Variants in PLEKHA7 observed in about 807,000 individuals in gnomAD.
PLEKHA7 encodes pleckstrin homology domain containing A7, also known as pleckstrin homology domain-containing family A member 7.
A neutral mutation model predicts 170.0 loss-of-function variants in PLEKHA7; 104 were observed. The observed-to-expected ratio is 0.61, with a 90% confidence interval of 0.52 to 0.72. The LOEUF (loss-of-function observed/expected upper bound fraction) is 0.72, where lower values mean the gene tolerates loss of function less well. PLEKHA7 is among the 30% of genes least tolerant of loss of function. PLEKHA7 has a pLI of 0.00. For synonymous variants in PLEKHA7, 648 were observed against 660.8 expected (o/e 0.98, Z 0.30); for missense variants, 1,615 against 1,671.7 (o/e 0.97, Z 0.59).
rs562561195 is a variant in PLEKHA7 at position 16,786,852 on chromosome 11, T to C, written c.3358-465A>G. The stretch of plus-strand genomic sequence containing the variant: ...TAACCAAGGATCTTTCTATTGGGAA[T>C]TTTCAACAAGATAACATTCGTAGGT... On this transcript the variant is annotated intron_variant, in intron 23 of 26. Coordinates refer to ENST00000531066, the MANE Select transcript of PLEKHA7 (RefSeq NM_001329630.2). 2.3e-5 allele frequency: 23 copies of C among 985,364 alleles called. No individual in the cohort carries two copies. The Admixed American group carries it at 1.2e-3, about 50-fold the overall frequency. 61.0% of individuals were successfully genotyped at this position (985,364 alleles called of 1,614,324 possible).
chr11:16,847,472 A>C (rs1852535134), intron 8 of PLEKHA7, among the ~76,000 whole-genome samples: 1 of 152,192 alleles, frequency 6.6e-6, no homozygotes, highest in Non-Finnish European at 1.5e-5. Context: ...ACTAGAGGAA[A>C]GACAGAAGAC....
At chr11:16,926,270 C>A (rs6486324) in intron 3 of PLEKHA7, among the ~76,000 whole-genome samples, 7 of 152,258 alleles carry the variant, frequency 4.6e-5, no homozygotes, top group Admixed American at 2.6e-4. Flanking sequence ...TCTCTGCCCT[C>A]GCAACCTCAA....
At chr11:16,948,077 A>G (rs1861161048) in intron 3 of PLEKHA7, among the ~76,000 whole-genome samples, 1 of 152,222 alleles carries the variant, frequency 6.6e-6, no homozygotes, top group Non-Finnish European at 1.5e-5. Context: ...GCAAAGCACA[A>G]AAAGACAAAT....
chr11:16,821,673 C>T (rs928985296), intron 10 of PLEKHA7, among the ~76,000 whole-genome samples: 10 of 152,052 alleles, frequency 6.6e-5, no homozygotes, highest in African/African-American at 2.4e-4. Context: ...TATTCAGCAC[C>T]TAGATCTATT....
chr11:16,952,377 G>T (rs1272096425), intron 3 of PLEKHA7, among the ~76,000 whole-genome samples: 2 of 152,152 alleles, frequency 1.3e-5, no homozygotes, highest in Non-Finnish European at 2.9e-5. Flanking sequence ...TTCTGCTAAG[G>T]AGGGCAGAAA....
chr11:16,947,910 C>T (rs574379204), intron 3 of PLEKHA7, among the ~76,000 whole-genome samples: 2 of 132,872 alleles, frequency 1.5e-5, no homozygotes, highest in Non-Finnish European at 3.1e-5. Context: ...AGTAAGACTC[C>T]GTCTCAAAAA....
chr11:16,916,940 C>G (rs968949304), intron 3 of PLEKHA7, among the ~76,000 whole-genome samples: 1 of 152,094 alleles, frequency 6.6e-6, no homozygotes, highest in Non-Finnish European at 1.5e-5. Context: ...CTTTTGAGGC[C>G]GGGCACGGTG....
At chr11:16,988,439 TCTTTCTTC>T (rs1014398546) in intron 3 of PLEKHA7, among the ~76,000 whole-genome samples, 9 of 152,304 alleles carry the variant, frequency 5.9e-5, no homozygotes, top group African/African-American at 1.9e-4. Context: ...TTTCCTTCCT[TCTTTCTTC>T]CTTTCTTCCT....
intron 4 of PLEKHA7, among the ~76,000 whole-genome samples, chr11:16,856,328 G>A (rs1471788929): frequency 1.3e-5 from 2 of 152,128 alleles, no homozygotes; most frequent in Non-Finnish European, 2.9e-5. Flanking sequence ...CCCAAAAGAA[G>A]CTGTTTATAA....
chr11:16,910,641 G>A (rs1026742863), intron 3 of PLEKHA7, among the ~76,000 whole-genome samples: 1 of 152,188 alleles, frequency 6.6e-6, no homozygotes, highest in Non-Finnish European at 1.5e-5. Context: ...AATGCCTGGA[G>A]AGATTTTTGG....
intron 3 of PLEKHA7, among the ~76,000 whole-genome samples, chr11:16,994,821 A>C (rs750164366): frequency 5.9e-4 from 90 of 152,186 alleles, no homozygotes; most frequent in Non-Finnish European, 8.7e-4. Context: ...GTGCCCCACC[A>C]GGCCCCATGC....
intron 8 of PLEKHA7, among the ~76,000 whole-genome samples, chr11:16,848,582 G>A (rs574644964): frequency 2.0e-4 from 31 of 152,292 alleles, no homozygotes; most frequent in African/African-American, 6.5e-4. Flanking sequence ...GGATCTGGTG[G>A]CAGATGTAAT....
rs141226091 is a variant in PLEKHA7, at chr11:16,848,559, C to T, written c.696+2632G>A. On this transcript the variant is annotated intron_variant, in intron 8 of 26. Transcript: ENST00000531066. ...AGCGATGCAGGTGTTTGTTTACTAACGTACTGCATAATGGATCTGGTGGCA... is the reference window on the plus strand; with the variant it reads ...AGCGATGCAGGTGTTTGTTTACTAATGTACTGCATAATGGATCTGGTGGCA... Among the ~76,000 whole-genome samples, 588 of 152,280 alleles carry T rather than the reference C, an allele frequency of 3.9e-3. 3 individuals carry two copies. The highest frequency in any genetic ancestry group is 0.013 in the African/African-American group (545 of 41,552).
At chr11:16,966,470 C>G (rs1565163181) in intron 3 of PLEKHA7, among the ~76,000 whole-genome samples, 1 of 152,126 alleles carries the variant, frequency 6.6e-6, no homozygotes, top group African/African-American at 2.4e-5. Flanking sequence ...AAGGGCCACA[C>G]TGTGAACCAG....
At chr11:16,896,806 G>T (rs1857021352) in intron 3 of PLEKHA7, among the ~76,000 whole-genome samples, 4 of 152,192 alleles carry the variant, frequency 2.6e-5, no homozygotes, top group Admixed American at 2.6e-4. Context: ...GGCTCCAGGG[G>T]TGTCTCAGTA....
intron 12 of PLEKHA7, among the ~76,000 whole-genome samples, chr11:16,815,503 TGC>T (rs756783279): frequency 2.0e-5 from 3 of 152,176 alleles, no homozygotes; most frequent in Non-Finnish European, 4.4e-5. Flanking sequence ...CAACCAACAG[TGC>T]AACCTCACCC....
chr11:16,907,679 G>A (rs1177511046), intron 3 of PLEKHA7, among the ~76,000 whole-genome samples: 1 of 134,448 alleles, frequency 7.4e-6, no homozygotes, highest in Non-Finnish European at 1.7e-5. Context: ...GCCCCGTCCG[G>A]GAGGTGAGGG....
In PLEKHA7 at chr11:16,818,608, C is replaced by T. The variant is rs188683750; in HGVS notation, c.1344-1286G>A. On this transcript the variant is annotated intron_variant, in intron 10 of 26. Coordinates refer to ENST00000531066, the MANE Select transcript of PLEKHA7 (RefSeq NM_001329630.2). ...TATTGATGTGATCTTTTCATACTTC[C>T]AAGACATGTTTTCCCAGGCCAAGGT... 8.5e-5 allele frequency among the ~76,000 whole-genome samples: 13 copies of T among 152,306 alleles called. No individual in the cohort carries two copies. The East Asian group carries it at 2.5e-3, about 29-fold the overall frequency.
Position 16,817,162 on chromosome 11 carries a change from C to A in PLEKHA7, c.1504G>T (p.Ala502Ser), listed in dbSNP as rs770076903. 1.9e-5 allele frequency: 30 copies of A among 1,614,208 alleles called. No homozygotes were observed. Among genetic ancestry groups the A allele is most frequent in the Non-Finnish European group, 2.5e-5 (29 of 1,180,046 alleles). ...TCACTCGACATCTTCAGGTGGCTGG[C>A]TCGGTCCTGCGCATACTTGTAGTCA... ...PSDYKYAQDRASHLKMSSEER... is the reference protein window; with the variant it reads ...PSDYKYAQDRSSHLKMSSEER... Residue 502 changes from alanine to serine, a missense_variant, in exon 11 of 27, where the codon GCC (alanine) becomes TCC (serine). Ala to Ser is a moderately conservative substitution (Grantham distance 99). Transcript: ENST00000531066. This position sits in a 1 kb window ranked among gnomAD's most constrained non-coding sequence, Gnocchi z 4.4.
Sources: gnomAD v4.1 joint callset for allele counts (sites outside exome capture counted in the v4.1 genomes callset) on GRCh38, gnomAD v4.1.1 for gene constraint, Gnocchi (gnomAD v3.1) non-coding constraint, MANE v1.5 for transcripts, NCBI Gene and HGNC (gene_info 2026-07-23, HGNC 2026-07-21) for gene names.